The following AFAP1L2 variants were observed in gnomAD, a reference collection of about 807,000 sequenced individuals.
The protein encoded by AFAP1L2 is actin filament-associated protein 1-like 2.
A neutral mutation model predicts 99.3 loss-of-function variants in AFAP1L2; 46 were observed. The observed-to-expected ratio is 0.46, with a 90% CI of 0.37 to 0.59. The LOEUF (loss-of-function observed/expected upper bound fraction) is 0.59. AFAP1L2 is among the 20% of genes least tolerant of loss of function. The pLI is 0.00. For synonymous variants in AFAP1L2, 397 were observed against 419.1 expected (o/e 0.95, Z 0.64); for missense variants, 959 against 1,034.9 (o/e 0.93, Z 1.01).
intron 1 of AFAP1L2, among the ~76,000 whole-genome samples, chr10:114,370,288 G>A (rs543829130): frequency 6.6e-6 from 1 of 152,292 alleles, no homozygotes; most frequent in South Asian, 2.1e-4. Flanking sequence ...ACTCCAATCT[G>A]AAGTCCACAC....
At chr10:114,286,018 C>A in the AFAP1L2 span, 1 of 1,614,156 alleles carries the variant, frequency 6.2e-7, no homozygotes, top group Non-Finnish European at 8.5e-7. Context: ...TGGACGGCTT[C>A]CTGCGGGCCA....
At chr10:114,347,428 G>T (rs548642488) in intron 1 of AFAP1L2, among the ~76,000 whole-genome samples, 1 of 152,120 alleles carries the variant, frequency 6.6e-6, no homozygotes, top group Non-Finnish European at 1.5e-5. Context: ...TCTACTATAC[G>T]TCTGGCCTGT....
intron 1 of AFAP1L2, among the ~76,000 whole-genome samples, chr10:114,362,351 A>G (rs1054706649): frequency 6.6e-6 from 1 of 152,218 alleles, no homozygotes; most frequent in African/African-American, 2.4e-5. Flanking sequence ...AATTAGATTA[A>G]GGATCTTGAG....
At chr10:114,318,089 C>T (rs2044432762) in intron 5 of AFAP1L2, among the ~76,000 whole-genome samples, 1 of 152,184 alleles carries the variant, frequency 6.6e-6, no homozygotes, top group Non-Finnish European at 1.5e-5. Flanking sequence ...GCAAACAGAT[C>T]AGCACTGCAA....
At chr10:114,376,806 AGACTTAAG>A (rs774140530) in intron 1 of AFAP1L2, among the ~76,000 whole-genome samples, 3 of 152,180 alleles carry the variant, frequency 2.0e-5, no homozygotes, top group Non-Finnish European at 4.4e-5. Context: ...GAAATACTGA[AGACTTAAG>A]AATAGAGAAA....
intron 1 of AFAP1L2, among the ~76,000 whole-genome samples, chr10:114,378,100 C>G (rs1351176581): frequency 6.6e-6 from 1 of 152,226 alleles, no homozygotes; most frequent in Non-Finnish European, 1.5e-5. Flanking sequence ...TGTTCTGCCA[C>G]CTGCAAGTGG....
At chr10:114,326,073 C>A (rs1034966907) in intron 4 of AFAP1L2, 1 of 1,280,226 alleles carries the variant, frequency 7.8e-7, no homozygotes, top group Middle Eastern at 2.1e-4. Context: ...GAGGAGTGAA[C>A]CCTTCTGCAG....
At chr10:114,302,766 G>A (rs1417113440) in intron 11 of AFAP1L2, among the ~76,000 whole-genome samples, 2 of 152,296 alleles carry the variant, frequency 1.3e-5, no homozygotes, top group East Asian at 1.9e-4. Context: ...TTTCTAGGAG[G>A]TGAAAACTTA....
At chr10:114,289,443 C>A in the AFAP1L2 span, 1 of 1,614,172 alleles carries the variant, frequency 6.2e-7, no homozygotes, top group East Asian at 2.2e-5. Flanking sequence ...CAGCTTACGC[C>A]GACCTGCGGT....
At chr10:114,352,301 C>A (rs1463181433) in intron 1 of AFAP1L2, among the ~76,000 whole-genome samples, 1 of 151,674 alleles carries the variant, frequency 6.6e-6, no homozygotes, top group African/African-American at 2.4e-5. Context: ...GGTGAAACCC[C>A]GTCTCTACTA....
At chr10:114,282,657 A>G in the AFAP1L2 span, 1 of 1,230,960 alleles carries the variant, frequency 8.1e-7, no homozygotes, top group African/African-American at 1.5e-5. Context: ...ATCCTGGGAC[A>G]GAGGGTGGGG....
At position 114,302,321 on chromosome 10, in the gene AFAP1L2, A is replaced by G. The variant is rs766992349; in HGVS notation, c.1430+18T>C. ...CAGGAATAAGAGAGTGTACGGAGGAAGGGTCCAAATTACTCACAAGAGAGA... is the reference window on the plus strand; with the variant it reads ...CAGGAATAAGAGAGTGTACGGAGGAGGGGTCCAAATTACTCACAAGAGAGA... On this transcript the variant is annotated intron_variant, in intron 12 of 18. Transcript: ENST00000304129. The G allele has an allele frequency of 1.9e-6, 3 of 1,614,090 alleles. No individual in the cohort carries two copies. The highest frequency in any genetic ancestry group is 2.5e-6 in the Non-Finnish European group (3 of 1,179,964).
intron 2 of AFAP1L2, among the ~76,000 whole-genome samples, chr10:114,337,622 A>G (rs2048175135): frequency 6.6e-6 from 1 of 152,132 alleles, no homozygotes; most frequent in Non-Finnish European, 1.5e-5. Context: ...CTGACTTTAT[A>G]AGAGCCGATC....
intron 4 of AFAP1L2, among the ~76,000 whole-genome samples, chr10:114,328,680 T>C (rs1423818822): frequency 2.6e-5 from 4 of 152,200 alleles, no homozygotes; most frequent in Non-Finnish European, 4.4e-5. Flanking sequence ...CTCTCCCTGC[T>C]CTGGTTCTCC....
At chr10:114,315,978 G>T (rs2044075019) in intron 5 of AFAP1L2, among the ~76,000 whole-genome samples, 1 of 152,208 alleles carries the variant, frequency 6.6e-6, no homozygotes, top group Non-Finnish European at 1.5e-5. Flanking sequence ...GATGCTGCCT[G>T]TGGCCACAAA....
intron 1 of AFAP1L2, chr10:114,363,247 C>T (rs554324426): frequency 1.1e-6 from 1 of 894,620 alleles, no homozygotes; most frequent in Admixed American, 6.2e-5. Flanking sequence ...CTTGGATGGT[C>T]CTTGAGCCCA....
chr10:114,365,688 C>T (rs1280864875), intron 1 of AFAP1L2, among the ~76,000 whole-genome samples: 2 of 151,522 alleles, frequency 1.3e-5, no homozygotes, highest in African/African-American at 4.8e-5. Flanking sequence ...CTTTCTTTGA[C>T]CGCCCTTACT....
chr10:114,307,893 A>T lies in AFAP1L2; in HGVS notation c.984T>A (p.Ser328=). 6.2e-7 allele frequency: 1 copy of T among 1,614,174 alleles called. No individual in the cohort carries two copies. Among genetic ancestry groups the T allele is most frequent in the Non-Finnish European group, 8.5e-7 (1 of 1,180,014 alleles). ...TTAGGTTGCTCAGTTTGAGGCCAGC[A>T]GAACATTTCTTCTTGACTGTCAAGA... ...PETKDVKKKC[S]AGLKLSNLMN... is the part of the protein sequence containing the mutation. Residue 328 remains serine, a synonymous_variant, in exon 10 of 19, where the codon TCT becomes TCA. Coordinates refer to ENST00000304129, the MANE Select transcript of AFAP1L2 (RefSeq NM_001001936.3).
At chr10:114,291,200 C>T (rs958833989), downstream of AFAP1L2, 1 of 1,550,524 alleles carries the variant, frequency 6.4e-7, no homozygotes, top group South Asian at 1.2e-5. Flanking sequence ...TGTCCTCAGA[C>T]TTCACTTCCT....
Sources: gnomAD v4.1 joint callset for allele counts (sites outside exome capture counted in the v4.1 genomes callset) on GRCh38, gnomAD v4.1.1 for gene constraint, MANE v1.5 for transcripts, NCBI Gene and HGNC (gene_info 2026-07-23, HGNC 2026-07-21) for gene names.